The following PRKG1 variants were observed in gnomAD, a reference collection of about 807,000 sequenced individuals.
PRKG1 encodes cGMP-dependent protein kinase 1.
In PRKG1, 35 loss-of-function variants were observed where a neutral mutation model predicts 88.1. That is an observed-to-expected ratio of 0.40 (90% CI 0.30 to 0.53). The LOEUF is 0.53. Ranked by LOEUF, PRKG1 falls within the 20% of genes least tolerant of loss-of-function variation. The probability of loss-of-function intolerance (pLI) is 0.59; values close to 1 mark genes in which losing one functional copy is unlikely to be tolerated. For synonymous variants in PRKG1, 303 were observed against 292.5 expected (o/e 1.04, Z -0.37); for missense variants, 540 against 839.8 (o/e 0.64, Z 4.41).
At chr10:51,197,040 T>A (rs1242783030) in intron 2 of PRKG1, among the ~76,000 whole-genome samples, 1 of 152,114 alleles carries the variant, frequency 6.6e-6, no homozygotes, top group Non-Finnish European at 1.5e-5. Flanking sequence ...CTCAATTAGG[T>A]ATTAAGCTTT....
chr10:51,615,631 A>G (rs528919697), intron 3 of PRKG1, among the ~76,000 whole-genome samples: 108 of 134,078 alleles, frequency 8.1e-4, no homozygotes, highest in Middle Eastern at 4.3e-3. Context: ...GTTCAATGAA[A>G]TCTTCACTTC....
intron 10 of PRKG1, 171 bp downstream of exon 10, chr10:52,251,837 G>T: frequency 1.8e-6 from 1 of 571,300 alleles, no homozygotes; most frequent in Non-Finnish European, 3.0e-6. Context: ...TAGACACAAA[G>T]TGGGCTAAAT....
At chr10:51,471,981 AT>A (rs905115551) in intron 3 of PRKG1, among the ~76,000 whole-genome samples, 8 of 151,990 alleles carry the variant, frequency 5.3e-5, no homozygotes, top group Non-Finnish European at 1.0e-4. Context: ...CAAGTATTTA[AT>A]TTTTTTCTTT....
intron 1 of PRKG1, among the ~76,000 whole-genome samples, chr10:51,084,051 A>G (rs1268344682): frequency 1.3e-5 from 2 of 152,052 alleles, no homozygotes; most frequent in African/African-American, 2.4e-5. Context: ...TCTTTTCCCC[A>G]CTCCTAAAAT....
intron 3 of PRKG1, among the ~76,000 whole-genome samples, chr10:51,540,093 G>A (rs780273822): frequency 3.3e-5 from 5 of 152,216 alleles, no homozygotes; most frequent in Middle Eastern, 3.4e-3. Flanking sequence ...ATTTTTCTCT[G>A]CTATAACTGT....
intron 5 of PRKG1, among the ~76,000 whole-genome samples, chr10:52,006,898 G>A (rs1844750395): frequency 2.0e-5 from 3 of 152,066 alleles, no homozygotes; most frequent in South Asian, 2.1e-4. Flanking sequence ...CACCTACAAA[G>A]GGAACCCCAT....
At chr10:51,680,165 C>T (rs1840815102) in intron 3 of PRKG1, among the ~76,000 whole-genome samples, 1 of 152,094 alleles carries the variant, frequency 6.6e-6, no homozygotes, top group African/African-American at 2.4e-5. Flanking sequence ...TTTAATTAGC[C>T]ACGAGCCAAA....
At chr10:51,498,813 G>A (rs1427535687) in intron 3 of PRKG1, among the ~76,000 whole-genome samples, 1 of 151,976 alleles carries the variant, frequency 6.6e-6, no homozygotes, top group Non-Finnish European at 1.5e-5. Flanking sequence ...CTGCATTACA[G>A]CAGTAGATGG....
chr10:51,499,436 CATT>C (rs1840957732), intron 3 of PRKG1, among the ~76,000 whole-genome samples: 1 of 152,068 alleles, frequency 6.6e-6, no homozygotes, highest in African/African-American at 2.4e-5. Flanking sequence ...ATATTTTGCA[CATT>C]ATAATTGAGT....
At chr10:52,101,037 C>T (rs535996479) in intron 7 of PRKG1, among the ~76,000 whole-genome samples, 1 of 152,248 alleles carries the variant, frequency 6.6e-6, no homozygotes, top group East Asian at 1.9e-4. Context: ...AACAATCTTA[C>T]AGGATTTGGA....
At chr10:51,018,023 T>C (rs889628856) in intron 1 of PRKG1, among the ~76,000 whole-genome samples, 2 of 152,052 alleles carry the variant, frequency 1.3e-5, no homozygotes, top group Non-Finnish European at 2.9e-5. Context: ...AGTTTCACCA[T>C]GTTGCCCAGG....
At chr10:51,624,968 A>G (rs2132268199) in intron 3 of PRKG1, among the ~76,000 whole-genome samples, 1 of 152,362 alleles carries the variant, frequency 6.6e-6, no homozygotes, top group East Asian at 1.9e-4. Flanking sequence ...GAAGATAAGA[A>G]GAACAAGTTT....
chr10:51,636,975 A>T (rs1839671812), intron 3 of PRKG1, among the ~76,000 whole-genome samples: 1 of 152,192 alleles, frequency 6.6e-6, no homozygotes, highest in Non-Finnish European at 1.5e-5. Flanking sequence ...GATTGGCTAT[A>T]GACAGTGCCT....
At chr10:51,155,034 T>C (rs1190458780) in intron 2 of PRKG1, among the ~76,000 whole-genome samples, 1 of 152,050 alleles carries the variant, frequency 6.6e-6, no homozygotes, top group Non-Finnish European at 1.5e-5. Flanking sequence ...TTTCAGATAT[T>C]ATATTGGTCA....
intron 2 of PRKG1, among the ~76,000 whole-genome samples, chr10:51,227,422 G>A (rs1446512771): frequency 2.0e-5 from 3 of 151,970 alleles, no homozygotes; most frequent in African/African-American, 7.3e-5. Flanking sequence ...TAGCCCTTCA[G>A]GTGTTCTTGT....
At chr10:52,281,912 T>C (rs1333669149) in intron 13 of PRKG1, among the ~76,000 whole-genome samples, 2 of 151,986 alleles carry the variant, frequency 1.3e-5, no homozygotes, top group Non-Finnish European at 1.5e-5. Context: ...GAAAGGAAGA[T>C]TTACCTTTAT....
intron 1 of PRKG1, among the ~76,000 whole-genome samples, chr10:51,057,620 A>G (rs1843642168): frequency 6.6e-6 from 1 of 152,042 alleles, no homozygotes; most frequent in South Asian, 2.1e-4. Flanking sequence ...TTTTTTGCCC[A>G]TGTGATATAT....
intron 2 of PRKG1, among the ~76,000 whole-genome samples, chr10:51,388,661 C>T (rs1837316463): frequency 6.6e-6 from 1 of 152,172 alleles, no homozygotes; most frequent in African/African-American, 2.4e-5. Flanking sequence ...AACGATGCCT[C>T]TAGATTGTTT....
At chr10:51,373,144 A>T (rs1208011249) in intron 2 of PRKG1, among the ~76,000 whole-genome samples, 5 of 152,224 alleles carry the variant, frequency 3.3e-5, no homozygotes. Flanking sequence ...TAGTGGTTTA[A>T]AATAGAGATT....
Sources: allele counts gnomAD v4.1 joint callset (sites outside exome capture counted in the v4.1 genomes callset), GRCh38; gene constraint gnomAD v4.1.1; transcripts MANE v1.5; gene names NCBI Gene and HGNC (gene_info 2026-07-23, HGNC 2026-07-21).